LRCH2: variants seen among roughly 807,000 people sequenced by gnomAD.
LRCH2 encodes the protein leucine-rich repeat and calponin homology domain-containing protein 2.
A neutral mutation model predicts 68.9 loss-of-function variants in LRCH2; 38 were observed. The ratio of observed to expected loss-of-function variants is 0.55; its 90% CI spans 0.43 to 0.72. The LOEUF (loss-of-function observed/expected upper bound fraction) is 0.72, where lower values mean the gene tolerates loss of function less well. LRCH2 is among the 30% of genes least tolerant of loss of function. LRCH2 has a pLI of 0.00. For synonymous variants in LRCH2, 191 were observed against 208.1 expected (o/e 0.92, Z 0.71); for missense variants, 528 against 572.9 (o/e 0.92, Z 0.80).
rs200736288 is a variant in LRCH2, at chrX:115,190,370, C to T, written c.350-2000G>A. On this transcript the variant is annotated intron_variant, in intron 1 of 20. Coordinates refer to ENST00000317135, the MANE Select transcript of LRCH2 (RefSeq NM_020871.4). ...GAGCCCCTCAAGAGCTACGGAGGCC[C>T]ATGCGGCGCTGCCCCTGTGTGGGGG... 221 of 1,160,755 alleles carry T rather than the reference C, an allele frequency of 1.9e-4. 1 individual carries two copies. In the African/African-American group the frequency reaches 3.6e-3, roughly 19 times the overall value.
intron 1 of LRCH2, among the ~76,000 whole-genome samples, chrX:115,203,157 G>A (rs1312898944): frequency 9.0e-6 from 1 of 111,526 alleles, no homozygotes. Context: ...GGCAGGCAGG[G>A]CAGGGGAACT....
chrX:115,142,192 G>T (rs2072345578), intron 14 of LRCH2, among the ~76,000 whole-genome samples: 1 of 111,871 alleles, frequency 8.9e-6, no homozygotes, highest in African/African-American at 3.3e-5. Context: ...GCTCAAGAGA[G>T]ATAGATCTCA....
intron 5 of LRCH2, among the ~76,000 whole-genome samples, chrX:115,178,525 T>G (rs2072668068): frequency 9.0e-6 from 1 of 111,224 alleles, no homozygotes; most frequent in African/African-American, 3.3e-5. Context: ...ATCCCTATAT[T>G]CAGAGTTACA....
intron 1 of LRCH2, among the ~76,000 whole-genome samples, chrX:115,197,847 T>TCTCTCTCTCTCTCTCACACACACA (rs782358260): frequency 3.4e-4 from 7 of 20,565 alleles, no homozygotes; most frequent in South Asian, 6.2e-3. Flanking sequence ...TCTCTCTCTC[T>TCTCTCTCTCTCTCTCACACACACA]CACACACACA....
intron 14 of LRCH2, among the ~76,000 whole-genome samples, chrX:115,131,827 G>A (rs1331540010): frequency 8.9e-6 from 1 of 111,827 alleles, no homozygotes; most frequent in Non-Finnish European, 1.9e-5. Flanking sequence ...ATCTCATTGT[G>A]GCTTTGATTT....
chrX:115,167,745 T>G (rs2072575314), intron 6 of LRCH2, among the ~76,000 whole-genome samples: 1 of 111,815 alleles, frequency 8.9e-6, no homozygotes, highest in Admixed American at 9.5e-5. Context: ...AGGCACACAT[T>G]TAATTCTCAC....
At chrX:115,186,210 G>A (rs1020274574) in intron 2 of LRCH2, among the ~76,000 whole-genome samples, 4 of 109,425 alleles carry the variant, frequency 3.7e-5, no homozygotes, top group Non-Finnish European at 7.6e-5. Flanking sequence ...AAAATTAGTC[G>A]GGCCTGGTGA....
chrX:115,169,090 A>C (rs1556546487), intron 6 of LRCH2, among the ~76,000 whole-genome samples: 1 of 112,264 alleles, frequency 8.9e-6, no homozygotes, highest in Non-Finnish European at 1.9e-5. Context: ...TGCTCTTCAC[A>C]GAGCTGGCTT....
chrX:115,141,871 CAAA>C (rs782180667), intron 14 of LRCH2, among the ~76,000 whole-genome samples: 1 of 50,982 alleles, frequency 2.0e-5, no homozygotes, highest in Admixed American at 2.6e-4. Flanking sequence ...AAGACTCCAC[CAAA>C]AAAAAAAAAA....
At position 115,150,257 on chromosome X, in the gene LRCH2, T is replaced by C. The variant is rs1307577173; in HGVS notation, c.1530-187A>G. Among the ~76,000 whole-genome samples, 136 of 111,276 alleles carry C rather than the reference T, an allele frequency of 1.2e-3. 14 individuals are homozygous for C. The highest frequency in any genetic ancestry group is 1.6e-4 in the African/African-American group (5 of 30,731). ...TTTAAGTTTCTAAAACCTGTTGCTCTACAGGAAATATCAAAATGGGTTTAT... is the reference window on the plus strand; with the variant it reads ...TTTAAGTTTCTAAAACCTGTTGCTCCACAGGAAATATCAAAATGGGTTTAT... On this transcript the variant is annotated intron_variant, in intron 12 of 20. Coordinates refer to ENST00000317135, the MANE Select transcript of LRCH2 (RefSeq NM_020871.4).
At position 115,188,220 on chromosome X, in the gene LRCH2, C is replaced by T; in HGVS notation, c.494+6G>A. On this transcript the variant is annotated splice_donor_region_variant and intron_variant, in intron 2 of 20. Transcript: ENST00000317135. ...ACCAAAATTTATTTTTAAATTGTTT[C>T]CTTACCTAATGTTAAGGTATGTTAA... The T allele has an allele frequency of 9.1e-7, 1 of 1,097,874 alleles. No homozygotes were observed. The highest frequency in any genetic ancestry group is 1.2e-6 in the Non-Finnish European group (1 of 836,764). The allele number at this position is 1,097,874 out of a possible 1,213,427, so 90.5% of individuals were successfully genotyped here. A position where few individuals can be genotyped will look rare whatever the true frequency, so the allele number is the denominator to read the frequency against.
chrX:115,230,206 C>T (rs1807328869), intron 1 of LRCH2, among the ~76,000 whole-genome samples: 1 of 111,522 alleles, frequency 9.0e-6, no homozygotes, highest in Non-Finnish European at 1.9e-5. Context: ...TCGGAGAAGA[C>T]ATTACAGCAA....
In LRCH2 at chrX:115,125,471, A is replaced by ACG. The variant is rs2072181843; in HGVS notation, c.1791+1371_1791+1372insCG. ...TATATATATATATATATATATATATATATATATATATATATATATATATAT... is the reference window on the plus strand; with the variant it reads ...TATATATATATATATATATATATATACGTATATATATATATATATATATATAT... On this transcript the variant is annotated intron_variant, in intron 16 of 20. Coordinates refer to ENST00000317135, the MANE Select transcript of LRCH2 (RefSeq NM_020871.4). Among the ~76,000 whole-genome samples, 3 of 933 alleles carry ACG rather than the reference A, an allele frequency of 3.2e-3. 1 individual carries two copies. The highest frequency in any genetic ancestry group is 5.9e-3 in the Non-Finnish European group (3 of 508). The allele number at this position is 933 out of a possible 115,157, so 0.8% of individuals were successfully genotyped here.
Position 115,146,122 on chromosome X carries a change from C to G in LRCH2, c.1695+3705G>C, listed in dbSNP as rs1228244327. Among the ~76,000 whole-genome samples the G allele has an allele frequency of 6.3e-5, 7 of 111,841 alleles. No individual in the cohort carries two copies. The South Asian group carries it at 2.2e-3, about 35-fold the overall frequency. On this transcript the variant is annotated intron_variant, in intron 14 of 20. Transcript: ENST00000317135. ...CTATTCAGCCATAAAGAAGGAGAGT[C>G]TGTCATTTGCAACATGGATTGAAAT...
chrX:115,198,264 A>G (rs1280437799), intron 1 of LRCH2, among the ~76,000 whole-genome samples: 1 of 111,492 alleles, frequency 9.0e-6, no homozygotes, highest in Admixed American at 9.5e-5. Flanking sequence ...TTTTCCAAGT[A>G]TAGCAAGATT....
At chrX:115,209,149 C>T (rs1035424606) in intron 1 of LRCH2, among the ~76,000 whole-genome samples, 41 of 112,525 alleles carry the variant, frequency 3.6e-4, no homozygotes, top group Non-Finnish European at 7.7e-4. Flanking sequence ...ATATTATACA[C>T]ATACACCCTA....
rs1198115167 is a variant in LRCH2, at chrX:115,185,095, C to A, written c.495-558G>T. Among the ~76,000 whole-genome samples, 6 of 112,140 alleles carry A rather than the reference C, an allele frequency of 5.4e-5. 1 individual carries two copies. Among genetic ancestry groups the A allele is most frequent in the Non-Finnish European group, 1.1e-4 (6 of 53,276 alleles). ...CCCATTCCCTTTTAAGGTTTAACAGCCTATTAGCACCTTTATCTCAGCTCA... is the reference window on the plus strand; with the variant it reads ...CCCATTCCCTTTTAAGGTTTAACAGACTATTAGCACCTTTATCTCAGCTCA... On this transcript the variant is annotated intron_variant, in intron 2 of 20. Transcript: ENST00000317135.
At chrX:115,191,079 C>A (rs1485417349) in intron 1 of LRCH2, 1 of 1,166,203 alleles carries the variant, frequency 8.6e-7, no homozygotes. Context: ...AGAGCCACCG[C>A]TATGGAGGAG....
chrX:115,140,821 A>G (rs1285563491), intron 14 of LRCH2, among the ~76,000 whole-genome samples: 1 of 109,249 alleles, frequency 9.2e-6, no homozygotes, highest in Non-Finnish European at 1.9e-5. Flanking sequence ...TCTTGGCCGC[A>G]GTAGAATAAA....
Sources: gnomAD v4.1 joint callset for allele counts (sites outside exome capture counted in the v4.1 genomes callset) on GRCh38, gnomAD v4.1.1 for gene constraint, MANE v1.5 for transcripts, NCBI Gene and HGNC (gene_info 2026-07-23, HGNC 2026-07-21) for gene names.